The following FARP1 variants were observed in gnomAD, a reference collection of about 807,000 sequenced individuals.
FARP1 encodes FERM, ARHGEF and pleckstrin domain-containing protein 1.
FARP1 carries 52 observed loss-of-function variants against 128.8 expected under a neutral mutation model. The ratio of observed to expected loss-of-function variants is 0.40; its 90% CI spans 0.32 to 0.51. The LOEUF is 0.51. FARP1 is among the 20% of genes least tolerant of loss of function. The pLI is 0.45. For synonymous variants in FARP1, 580 were observed against 551.8 expected (o/e 1.05, Z -0.72); for missense variants, 1,333 against 1,367.9 (o/e 0.97, Z 0.40).
intron 1 of FARP1, among the ~76,000 whole-genome samples, chr13:98,192,149 A>G (rs1377774501): frequency 6.6e-6 from 1 of 151,976 alleles, no homozygotes; most frequent in Admixed American, 6.6e-5. Flanking sequence ...CACAGTCTTC[A>G]TGTTTGTGAT....
At chr13:98,299,153 C>T (rs994981021) in intron 2 of FARP1, among the ~76,000 whole-genome samples, 2 of 152,158 alleles carry the variant, frequency 1.3e-5, no homozygotes, top group African/African-American at 4.8e-5. Context: ...ATACATGTTC[C>T]TATCAAAAAC....
intron 2 of FARP1, among the ~76,000 whole-genome samples, chr13:98,267,006 C>G (rs1884149255): frequency 7.7e-6 from 1 of 129,390 alleles, no homozygotes; most frequent in African/African-American, 3.1e-5. Context: ...GGTCAAGACT[C>G]CCATCTCAAA....
At chr13:98,425,884 T>A (rs1413319155) in intron 17 of FARP1, among the ~76,000 whole-genome samples, 1 of 152,240 alleles carries the variant, frequency 6.6e-6, no homozygotes, top group Non-Finnish European at 1.5e-5. Context: ...ATAAAATGTT[T>A]TAATTCACAC....
intron 24 of FARP1, among the ~76,000 whole-genome samples, chr13:98,441,412 G>A (rs1209586161): frequency 2.6e-5 from 4 of 152,220 alleles, no homozygotes; most frequent in African/African-American, 4.8e-5. Flanking sequence ...GAGGTCCGGC[G>A]AAAACCGTCT....
In FARP1 at chr13:98,431,210, C is replaced by CTACA; in HGVS notation, c.2074_2077dup (p.Lys693IlefsTer60). On this transcript the variant is annotated frameshift_variant, in exon 18 of 27. Transcript: ENST00000319562. LOFTEE classifies it high-confidence loss of function. ...TGCGGCCACTGCACCGGCTCATGCA[C>CTACA]TACAAGCAGGTCCTGGAGCGGCTGT... 1 of 1,608,522 alleles carries CTACA rather than the reference C, an allele frequency of 6.2e-7. No individual in the cohort carries two copies. The highest frequency in any genetic ancestry group is 8.5e-7 in the Non-Finnish European group (1 of 1,177,532).
intron 2 of FARP1, among the ~76,000 whole-genome samples, chr13:98,253,487 G>A (rs1883443110): frequency 6.6e-6 from 1 of 152,258 alleles, no homozygotes; most frequent in East Asian, 1.9e-4. Context: ...ACTGGATTTG[G>A]ACCCTGCCTG....
rs772081486 is a variant in FARP1, at chr13:98,438,838, C to A, written c.2309C>A (p.Ser770Ter). The A allele has an allele frequency of 1.9e-6, 3 of 1,613,178 alleles. No homozygotes were observed. Among genetic ancestry groups the A allele is most frequent in the Non-Finnish European group, 2.5e-6 (3 of 1,179,974 alleles). Reference sequence around the variant, plus strand: ...CGTCTGGGCAGCCTCAGCAAGCTCTCGGGGAAGGGGCTCCAGCAGCGCATG... The same window carrying A: ...CGTCTGGGCAGCCTCAGCAAGCTCTAGGGGAAGGGGCTCCAGCAGCGCATG... ...FIRLGSLSKL[S>*]GKGLQQRMFF... Residue 770 changes from serine (S) to a stop codon, truncating the protein, a stop_gained, in exon 20 of 27, where the codon TCG becomes TAG. Transcript: ENST00000319562. LOFTEE classifies it high-confidence loss of function.
intron 21 of FARP1, among the ~76,000 whole-genome samples, chr13:98,439,713 T>TC (rs1208926567): frequency 1.3e-5 from 2 of 152,204 alleles, no homozygotes; most frequent in Admixed American, 1.3e-4. Flanking sequence ...GCCCACGCTG[T>TC]CCTCCGGGAT....
chr13:98,213,456 A>G, intron 2 of FARP1, 43 bp downstream of exon 2: 1 of 1,595,218 alleles, frequency 6.3e-7, no homozygotes, highest in Non-Finnish European at 8.5e-7. Flanking sequence ...GTGGTAGGGG[A>G]CAGCCTTTGG....
chr13:98,395,986 C>CTTA, intron 13 of FARP1: 1 of 399,198 alleles, frequency 2.5e-6, no homozygotes, highest in African/African-American at 2.1e-5. Context: ...AGACACTCTC[C>CTTA]CGGACCAGGG....
chr13:98,424,789 C>T (rs1223042506), intron 17 of FARP1, 139 bp downstream of exon 17: 20 of 667,990 alleles, frequency 3.0e-5, no homozygotes, highest in Admixed American at 6.3e-5. Context: ...TCCAACCCAC[C>T]GCCGAGCAGC....
rs1430530925 is a variant in FARP1, at chr13:98,418,425, T to C, written c.1827-6147T>C. 1.6e-4 allele frequency among the ~76,000 whole-genome samples: 25 copies of C among 152,024 alleles called. 1 individual carries two copies. Among genetic ancestry groups the C allele is most frequent in the Admixed American group, 1.6e-3 (24 of 15,266 alleles). On this transcript the variant is annotated intron_variant, in intron 16 of 26. Coordinates refer to ENST00000319562, the MANE Select transcript of FARP1 (RefSeq NM_005766.4). ...CAGTAGCTGGGATTACAGGCGTGCA[T>C]CACCACACCTGGCTAATTTTTGTAT...
intron 1 of FARP1, among the ~76,000 whole-genome samples, chr13:98,202,231 G>C (rs1341991967): frequency 6.6e-6 from 1 of 152,160 alleles, no homozygotes. Context: ...GCAGCTTCCG[G>C]CTCATAAGAG....
In FARP1 at chr13:98,377,866, G is replaced by A. The variant is rs368338450; in HGVS notation, c.444G>A (p.Arg148=). The change falls in exon 6 of 27, where the codon AGG becomes AGA. Residue 148 remains arginine (R), a synonymous_variant. Transcript: ENST00000319562. ...TGAAGCAGGACTTGGCTCAAGGCAG[G>A]TTGACGTGTAATGACACCAGCGCAG... ...LQVKQDLAQG[R]LTCNDTSAAL... The A allele has an allele frequency of 1.2e-6, 2 of 1,613,932 alleles. No individual in the cohort carries two copies. The highest frequency in any genetic ancestry group is 1.7e-6 in the Non-Finnish European group (2 of 1,179,934).
chr13:98,274,780 A>G (rs1884556954), intron 2 of FARP1, among the ~76,000 whole-genome samples: 1 of 152,216 alleles, frequency 6.6e-6, no homozygotes, highest in Non-Finnish European at 1.5e-5. Flanking sequence ...GTTGGTGACC[A>G]TCAAAAATCT....
chr13:98,147,425 T>G (rs1458194183), intron 1 of FARP1, among the ~76,000 whole-genome samples: 2 of 152,094 alleles, frequency 1.3e-5, no homozygotes, highest in Non-Finnish European at 2.9e-5. Context: ...TCATATTTGT[T>G]CACACATTAA....
At chr13:98,229,890 T>C (rs527922966) in intron 2 of FARP1, among the ~76,000 whole-genome samples, 1,636 of 152,268 alleles carry the variant, frequency 0.011, 8 homozygotes, top group South Asian at 0.017. Context: ...TTGGCTGTTA[T>C]GGGTTAAGAA....
intron 1 of FARP1, among the ~76,000 whole-genome samples, chr13:98,167,773 A>G (rs73559591): frequency 0.03 from 4,526 of 152,346 alleles, 211 homozygotes; most frequent in African/African-American, 0.1. Flanking sequence ...AAAAAAGTCT[A>G]CATTGACTCA....
At chr13:98,397,978 T>C (rs3848022) in intron 13 of FARP1, 3 of 147,846 alleles carry the variant, frequency 2.0e-5, no homozygotes, top group Non-Finnish European at 4.4e-5. Context: ...TTGAAAAGAG[T>C]CCTAACAAGG....
Sources: gnomAD v4.1 joint callset for allele counts (sites outside exome capture counted in the v4.1 genomes callset) on GRCh38, gnomAD v4.1.1 for gene constraint, MANE v1.5 for transcripts, NCBI Gene and HGNC (gene_info 2026-07-23, HGNC 2026-07-21) for gene names.